OR5H6: variants seen among roughly 807,000 people sequenced by gnomAD.
OR5H6 encodes olfactory receptor 5H6.
For synonymous variants in OR5H6, 151 were observed against 127.7 expected (o/e 1.18, Z -1.23); for missense variants, 429 against 358.1 (o/e 1.20, Z -1.60).
In OR5H6 at chr3:98,264,557, C is replaced by T. The variant is rs113782472; in HGVS notation, c.225C>T (p.Ser75=). 6,302 of 1,612,522 alleles carry T rather than the reference C, an allele frequency of 3.9e-3. 218 individuals are homozygous for T. In the African/African-American group the frequency reaches 0.071, roughly 18 times the overall value. ...SLAFVDASLS[S]TVTPKMLINF... ...CCTTTGTGGATGCTTCGTTATCATC[C>T]ACAGTGACTCCGAAGATGCTGATCA... The change falls in exon 1 of 1, where the codon TCC becomes TCT. Residue 75 remains serine (S), a synonymous_variant. Transcript: ENST00000615035.
chr3:98,264,953 A>G lies in OR5H6; in HGVS notation c.621A>G (p.Gln207=), dbSNP rs2107390697. ...TTTTTATTTTCGCAGGTTCTGTTCAAGTTTTTACCATTGGAACTATTCTTA... is the reference window on the plus strand; with the variant it reads ...TTTTTATTTTCGCAGGTTCTGTTCAGGTTTTTACCATTGGAACTATTCTTA... ...LMVFIFAGSV[Q]VFTIGTILIS... Residue 207 remains glutamine (Q), a synonymous_variant, in exon 1 of 1, where the codon CAA becomes CAG. Transcript: ENST00000615035. 1 of 1,607,324 alleles carries G rather than the reference A, an allele frequency of 6.2e-7. No individual in the cohort carries two copies. The highest frequency in any genetic ancestry group is 1.7e-5 in the Admixed American group (1 of 58,700).
Position 98,264,970 on chromosome 3 carries a change from C to G in OR5H6, c.638C>G (p.Thr213Ser), listed in dbSNP as rs775843806. The stretch of plus-strand genomic sequence containing the variant: ...TCTGTTCAAGTTTTTACCATTGGAA[C>G]TATTCTTATATCTTATACAATTATC... ...AGSVQVFTIG[T>S]ILISYTIILF... The change falls in exon 1 of 1, where the codon ACT becomes AGT. Residue 213 changes from threonine to serine, a missense_variant. Thr to Ser is a moderately conservative substitution (Grantham distance 58). Coordinates refer to ENST00000615035, the MANE Select transcript of OR5H6 (RefSeq NM_001005479.2). 2 of 1,608,866 alleles carry G rather than the reference C, an allele frequency of 1.2e-6. No homozygotes were observed. The highest frequency in any genetic ancestry group is 1.7e-6 in the Non-Finnish European group (2 of 1,177,750).
At position 98,265,200 on chromosome 3, in the gene OR5H6, T is replaced by A; in HGVS notation, c.868T>A (p.Tyr290Asn). Residue 290 changes from tyrosine (Y) to asparagine (N), a missense_variant, in exon 1 of 1, where the codon TAC (tyrosine) becomes AAC (asparagine). Coordinates refer to ENST00000615035, the MANE Select transcript of OR5H6 (RefSeq NM_001005479.2). ...VIVPLLNPMI[Y>N]SLRNKQVIAS... Reference sequence around the variant, plus strand: ...AGTTCCTTTATTAAATCCCATGATCTACAGCCTGAGAAACAAGCAAGTAAT... The same window carrying A: ...AGTTCCTTTATTAAATCCCATGATCAACAGCCTGAGAAACAAGCAAGTAAT... 2.5e-6 allele frequency: 4 copies of A among 1,606,184 alleles called. No homozygotes were observed. In the South Asian group the frequency reaches 3.4e-5, roughly 14 times the overall value.
In OR5H6 at chr3:98,265,320, G is replaced by A. The variant is rs1705881672; in HGVS notation, c.*58G>A. On this transcript the variant is annotated 3_prime_UTR_variant, in exon 1 of 1. Coordinates refer to ENST00000615035, the MANE Select transcript of OR5H6 (RefSeq NM_001005479.2). ...AATTGTCCCAAGATTGTGCAAGTTA[G>A]AGGTGTCTATGTCTTGCCAGCATTC... The A allele has an allele frequency of 6.6e-7, 1 of 1,505,584 alleles. No homozygotes were observed. The highest frequency in any genetic ancestry group is 2.3e-5 in the East Asian group (1 of 44,134). 93.3% of individuals were successfully genotyped at this position (1,505,584 alleles called of 1,614,324 possible). A position where few individuals can be genotyped will look rare whatever the true frequency, so the allele number is the denominator to read the frequency against.
rs762859767 is a variant in OR5H6 at position 98,265,072 on chromosome 3, C to G, written c.740C>G (p.Ser247Cys). 46 of 1,612,632 alleles carry G rather than the reference C, an allele frequency of 2.9e-5. No individual in the cohort carries two copies. The highest frequency in any genetic ancestry group is 5.0e-5 in the Admixed American group (3 of 59,892). Residue 247 changes from serine to cysteine, a missense_variant, in exon 1 of 1, where the codon TCT becomes TGT. Transcript: ENST00000615035. ...TCCACCTGTGGGGCTCATCTCTTAT[C>G]TGTATCTTTATACTATGGCCCCCTC... The part of the protein sequence containing the change: ...AVSTCGAHLL[S>C]VSLYYGPLTF...
rs1705859239 is a variant in OR5H6 at position 98,264,712 on chromosome 3, G to A, written c.380G>A (p.Cys127Tyr). 1.9e-6 allele frequency: 3 copies of A among 1,613,200 alleles called. No individual in the cohort carries two copies. The highest frequency in any genetic ancestry group is 1.3e-5 in the African/African-American group (1 of 74,996). ...TMAYDRYVAI[C>Y]KALLYPVIMT... ...GCATATGATCGCTATGTAGCCATTTGCAAAGCTTTACTTTATCCAGTCATT... is the reference window on the plus strand; with the variant it reads ...GCATATGATCGCTATGTAGCCATTTACAAAGCTTTACTTTATCCAGTCATT... The change falls in exon 1 of 1, where the codon TGC (cysteine) becomes TAC (tyrosine). Residue 127 changes from cysteine (C) to tyrosine (Y), a missense_variant. Coordinates refer to ENST00000615035, the MANE Select transcript of OR5H6 (RefSeq NM_001005479.2).
At position 98,264,518 on chromosome 3, in the gene OR5H6, C is replaced by T; in HGVS notation, c.186C>T (p.Phe62=). The T allele has an allele frequency of 6.2e-7, 1 of 1,612,872 alleles. No individual in the cohort carries two copies. Among genetic ancestry groups the T allele is most frequent in the Non-Finnish European group, 8.5e-7 (1 of 1,179,020 alleles). ...DPHLHIPMYL[F]LGSLAFVDAS... ...ACCTTCATATCCCAATGTACTTATT[C>T]CTTGGGAGTTTAGCCTTTGTGGATG... The change falls in exon 1 of 1, where the codon TTC becomes TTT. Residue 62 remains phenylalanine, a synonymous_variant. Transcript: ENST00000615035.
rs371251948 is a variant in OR5H6 at position 98,264,330 on chromosome 3, G to T, written c.-3G>T. ...CATTTTTCAGAGGACATGCAGTGAG[G>T]AGATGGAAGAGGAAAATGCAACATT... On this transcript the variant is annotated 5_prime_UTR_variant, in exon 1 of 1. It introduces an in-frame stop codon into an upstream open reading frame of the 5' UTR. Coordinates refer to ENST00000615035, the MANE Select transcript of OR5H6 (RefSeq NM_001005479.2). 13 of 1,612,838 alleles carry T rather than the reference G, an allele frequency of 8.1e-6. No individual in the cohort carries two copies. The African/African-American group carries it at 1.5e-4, about 18-fold the overall frequency.
Position 98,264,286 on chromosome 3 carries a change from T to C in OR5H6, c.-47T>C, listed in dbSNP as rs774499206. ...TTTCAACTCACAATTCCATTGCAAATGTTCCTTTACCTTTGCTTCATTTTT... is the reference window on the plus strand; with the variant it reads ...TTTCAACTCACAATTCCATTGCAAACGTTCCTTTACCTTTGCTTCATTTTT... On this transcript the variant is annotated 5_prime_UTR_variant, in exon 1 of 1. It removes an upstream start codon present in the reference 5' UTR. Transcript: ENST00000615035. The C allele has an allele frequency of 2.9e-5, 46 of 1,605,286 alleles. No homozygotes were observed. Among genetic ancestry groups the C allele is most frequent in the Non-Finnish European group, 3.3e-5 (39 of 1,175,122 alleles).
rs1044646917 is a variant in OR5H6, at chr3:98,264,253, T to G, written c.-80T>G. On this transcript the variant is annotated 5_prime_UTR_variant, in exon 1 of 1. Coordinates refer to ENST00000615035, the MANE Select transcript of OR5H6 (RefSeq NM_001005479.2). ...ATTACATAGTTTATTTCAACACCTC[T>G]TCCCCAATTTCAACTCACAATTCCA... 2.5e-6 allele frequency: 4 copies of G among 1,584,100 alleles called. No individual in the cohort carries two copies. In the African/African-American group the frequency reaches 5.4e-5, roughly 21 times the overall value.
chr3:98,264,678 G>A lies in OR5H6; in HGVS notation c.346G>A (p.Ala116Thr), dbSNP rs1274399781. 8.1e-6 allele frequency: 13 copies of A among 1,612,978 alleles called. No homozygotes were observed. The Admixed American group carries it at 1.7e-4, about 21-fold the overall frequency. ...TGTAACCACAGAATGTTTTCTCTTG[G>A]CAACAATGGCATATGATCGCTATGT... ...TTVTTECFLL[A>T]TMAYDRYVAI... The change falls in exon 1 of 1, where the codon GCA becomes ACA. Residue 116 changes from alanine to threonine, a missense_variant. By Grantham distance (58) the Ala-to-Thr change is moderately conservative. Transcript: ENST00000615035.
In OR5H6 at chr3:98,264,809, T is replaced by G; in HGVS notation, c.477T>G (p.His159Gln). Reference protein sequence around the residue: ...FIGGLLHALIHEAFSFRLTFC... With the variant: ...FIGGLLHALIQEAFSFRLTFC... Reference sequence around the variant, plus strand: ...GTGGCCTTCTTCATGCTTTAATCCATGAAGCTTTTTCATTCAGATTAACCT... The same window carrying G: ...GTGGCCTTCTTCATGCTTTAATCCAGGAAGCTTTTTCATTCAGATTAACCT... The change falls in exon 1 of 1, where the codon CAT (histidine) becomes CAG (glutamine). Residue 159 changes from histidine (H) to glutamine (Q), a missense_variant. His to Gln is a conservative substitution (Grantham distance 24). Transcript: ENST00000615035. 6.2e-7 allele frequency: 1 copy of G among 1,611,180 alleles called. No homozygotes were observed. The highest frequency in any genetic ancestry group is 8.5e-7 in the Non-Finnish European group (1 of 1,178,818).
rs1249252838 is a variant in OR5H6, at chr3:98,265,332, T to C, written c.*70T>C. 3 of 1,470,932 alleles carry C rather than the reference T, an allele frequency of 2.0e-6. No homozygotes were observed. Among genetic ancestry groups the C allele is most frequent in the Non-Finnish European group, 2.7e-6 (3 of 1,100,756 alleles). The allele number at this position is 1,470,932 out of a possible 1,614,324, so 91.1% of individuals were successfully genotyped here. A position where few individuals can be genotyped will look rare whatever the true frequency, so the allele number is the denominator to read the frequency against. On this transcript the variant is annotated 3_prime_UTR_variant, in exon 1 of 1. Coordinates refer to ENST00000615035, the MANE Select transcript of OR5H6 (RefSeq NM_001005479.2). ...ATTGTGCAAGTTAGAGGTGTCTATG[T>C]CTTGCCAGCATTCAAAGATGATGCA... is the stretch of plus-strand genomic sequence containing the variant.
rs1390582587 is a variant in OR5H6 at position 98,264,947 on chromosome 3, T to A, written c.615T>A (p.Ser205=). Residue 205 remains serine (S), a synonymous_variant, in exon 1 of 1, where the codon TCT becomes TCA. Coordinates refer to ENST00000615035, the MANE Select transcript of OR5H6 (RefSeq NM_001005479.2). ...NFLMVFIFAG[S]VQVFTIGTIL... ...TAATGGTTTTTATTTTCGCAGGTTC[T>A]GTTCAAGTTTTTACCATTGGAACTA... The A allele has an allele frequency of 6.2e-7, 1 of 1,607,072 alleles. No homozygotes were observed. Among genetic ancestry groups the A allele is most frequent in the East Asian group, 2.2e-5 (1 of 44,828 alleles).
chr3:98,265,096 T>C lies in OR5H6; in HGVS notation c.764T>C (p.Leu255Pro). ...TCTGTATCTTTATACTATGGCCCCC[T>C]CACCTTCAAATATCTGGGCTCTGCA... ...LLSVSLYYGP[L>P]TFKYLGSASP... The change falls in exon 1 of 1, where the codon CTC becomes CCC. Residue 255 changes from leucine (L) to proline (P), a missense_variant. Leu to Pro is a moderately conservative substitution (Grantham distance 98). Coordinates refer to ENST00000615035, the MANE Select transcript of OR5H6 (RefSeq NM_001005479.2). 1 of 1,612,950 alleles carries C rather than the reference T, an allele frequency of 6.2e-7. No individual in the cohort carries two copies. Among genetic ancestry groups the C allele is most frequent in the South Asian group, 1.1e-5 (1 of 91,026 alleles).
At position 98,265,035 on chromosome 3, in the gene OR5H6, C is replaced by T. The variant is rs201434146; in HGVS notation, c.703C>T (p.Arg235Ter). The change falls in exon 1 of 1, where the codon CGA (arginine) becomes TGA (stop). Residue 235 changes from arginine (R) to a stop codon, truncating the protein, a stop_gained. Coordinates refer to ENST00000615035, the MANE Select transcript of OR5H6 (RefSeq NM_001005479.2). LOFTEE classifies it low-confidence loss of function (END_TRUNC). ...AGAAAAGAAGTCTATCAAAGGGATACGAAAAGCTGTCTCCACCTGTGGGGC... is the reference window on the plus strand; with the variant it reads ...AGAAAAGAAGTCTATCAAAGGGATATGAAAAGCTGTCTCCACCTGTGGGGC... ...ILEKKSIKGI[R>*]KAVSTCGAHL... 3.0e-5 allele frequency: 49 copies of T among 1,612,748 alleles called. No individual in the cohort carries two copies. Among genetic ancestry groups the T allele is most frequent in the Middle Eastern group, 1.7e-4 (1 of 5,758 alleles).
At position 98,264,387 on chromosome 3, in the gene OR5H6, C is replaced by T. The variant is rs113835025; in HGVS notation, c.55C>T (p.His19Tyr). The T allele has an allele frequency of 5.6e-3, 9,105 of 1,612,956 alleles. 433 individuals carry two copies. In the African/African-American group the frequency reaches 0.1, roughly 18 times the overall value. Residue 19 changes from histidine (H) to tyrosine (Y), a missense_variant, in exon 1 of 1, where the codon CAT becomes TAT. By Grantham distance (83) the His-to-Tyr change is moderately conservative. Coordinates refer to ENST00000615035, the MANE Select transcript of OR5H6 (RefSeq NM_001005479.2). Reference protein sequence around the residue: ...LTEFVLTGFLHQPDCKIPLFL... With the variant: ...LTEFVLTGFLYQPDCKIPLFL... ...AGAGTTTGTTCTCACAGGATTTTTA[C>T]ATCAACCTGACTGTAAAATACCGCT...
At position 98,265,266 on chromosome 3, in the gene OR5H6, T is replaced by C. The variant is rs753095961; in HGVS notation, c.*4T>C. 6.4e-7 allele frequency: 1 copy of C among 1,555,644 alleles called. No homozygotes were observed. Among genetic ancestry groups the C allele is most frequent in the Non-Finnish European group, 8.7e-7 (1 of 1,154,260 alleles). ...AATGTTCAAAAGCAATGTTTAGATCTCATACAATCTCTCTTCTCTATTTAC... is the reference window on the plus strand; with the variant it reads ...AATGTTCAAAAGCAATGTTTAGATCCCATACAATCTCTCTTCTCTATTTAC... On this transcript the variant is annotated 3_prime_UTR_variant, in exon 1 of 1. Transcript: ENST00000615035.
chr3:98,264,797 T>C lies in OR5H6; in HGVS notation c.465T>C (p.His155=), dbSNP rs1030221660. The change falls in exon 1 of 1, where the codon CAT becomes CAC. Residue 155 remains histidine, a synonymous_variant. Transcript: ENST00000615035. ...LVLSFIGGLL[H]ALIHEAFSFR... is the part of the protein sequence containing the mutation. ...TGTCATTTATAGGTGGCCTTCTTCA[T>C]GCTTTAATCCATGAAGCTTTTTCAT... 3.1e-6 allele frequency: 5 copies of C among 1,611,840 alleles called. No homozygotes were observed. The highest frequency in any genetic ancestry group is 3.3e-5 in the Admixed American group (2 of 59,750).
Sources: gnomAD v4.1 joint callset for allele counts on GRCh38, gnomAD v4.1.1 for gene constraint, MANE v1.5 for transcripts, NCBI Gene and HGNC (gene_info 2026-07-23, HGNC 2026-07-21) for gene names.